The following CSMD1 variants were observed in gnomAD, a reference collection of about 807,000 sequenced individuals.
CSMD1 encodes the protein CUB and Sushi multiple domains 1.
In CSMD1, 213 loss-of-function variants were observed where a neutral mutation model predicts 417.5. That is an observed-to-expected ratio of 0.51 (90% CI 0.46 to 0.57). The LOEUF is 0.57. Among genes scored for constraint, CSMD1 ranks in the 20% least tolerant of loss-of-function variants. The pLI is 0.00. For missense variants in CSMD1, 6,923 were observed against 4,529.7 expected, an observed-to-expected ratio of 1.53 and a Z score of -15.17; for synonymous variants, 2,862 against 1,736.8, an observed-to-expected ratio of 1.65 and a Z score of -16.11.
chr8:4,703,555 T>A (rs1192051926), intron 1 of CSMD1, among the ~76,000 whole-genome samples: 1 of 152,332 alleles, frequency 6.6e-6, no homozygotes, highest in East Asian at 1.9e-4. Context: ...AGGAATTAGA[T>A]ATACAGTATA....
intron 2 of CSMD1, among the ~76,000 whole-genome samples, chr8:4,429,764 T>C (rs1259153308): frequency 6.6e-6 from 1 of 152,094 alleles, no homozygotes; most frequent in African/African-American, 2.4e-5. Context: ...ATTCTAGAAG[T>C]GCTCCACCCG....
chr8:4,198,690 G>A (rs1014339201), intron 3 of CSMD1, among the ~76,000 whole-genome samples: 28 of 152,006 alleles, frequency 1.8e-4, no homozygotes, highest in African/African-American at 6.3e-4. Context: ...AAACCCCAAG[G>A]ACTACATGGA....
chr8:3,817,759 G>A (rs1801471367), intron 5 of CSMD1, among the ~76,000 whole-genome samples: 1 of 152,100 alleles, frequency 6.6e-6, no homozygotes, highest in African/African-American at 2.4e-5. Context: ...CAGAAACAGA[G>A]GTCTTCCAAA....
intron 5 of CSMD1, among the ~76,000 whole-genome samples, chr8:3,790,419 T>A (rs1799671867): frequency 1.3e-5 from 2 of 152,104 alleles, no homozygotes; most frequent in African/African-American, 4.8e-5. Context: ...ACAATGGTGA[T>A]AACAGTATTA....
chr8:3,184,316 C>T (rs1409617215), intron 36 of CSMD1, among the ~76,000 whole-genome samples: 1 of 152,180 alleles, frequency 6.6e-6, no homozygotes, highest in African/African-American at 2.4e-5. Context: ...AAACTACTAA[C>T]TCATTTTCCA....
intron 18 of CSMD1, among the ~76,000 whole-genome samples, chr8:3,386,181 A>G (rs1810992579): frequency 6.6e-6 from 1 of 152,214 alleles, no homozygotes; most frequent in South Asian, 2.1e-4. Context: ...GCCTCAGCTC[A>G]TCTGCACAAA....
Position 3,087,104 on chromosome 8 carries a change from G to A in CSMD1, c.7467C>T (p.Leu2489=), listed in dbSNP as rs1393920120. The change falls in exon 49 of 70, where the codon CTC becomes CTT. Residue 2489 remains leucine, a synonymous_variant. Transcript: ENST00000635120. ...GMYQWDSLTP[L]CQAVSCGIPE... is the part of the protein sequence containing the mutation. Reference sequence around the variant, plus strand: ...TGAAAACGCATTTCTTACCCTGGCAGAGTGGCGTGAGGGAGTCCCACTGGT... The same window carrying A: ...TGAAAACGCATTTCTTACCCTGGCAAAGTGGCGTGAGGGAGTCCCACTGGT... 2 of 1,613,010 alleles carry A rather than the reference G, an allele frequency of 1.2e-6. No individual in the cohort carries two copies. The highest frequency in any genetic ancestry group is 1.7e-6 in the Non-Finnish European group (2 of 1,179,636).
chr8:3,303,953 T>C (rs1310415395), intron 25 of CSMD1, among the ~76,000 whole-genome samples: 1 of 103,000 alleles, frequency 9.7e-6, no homozygotes, highest in East Asian at 3.1e-4. Flanking sequence ...CGCCCCATTA[T>C]AATAACTATT....
intron 3 of CSMD1, among the ~76,000 whole-genome samples, chr8:4,249,555 G>A (rs960216712): frequency 5.3e-5 from 8 of 152,176 alleles, no homozygotes; most frequent in East Asian, 1.9e-4. Context: ...GAGACCTGAG[G>A]AGCGGATCTA....
chr8:3,247,417 T>C (rs1361619909), intron 26 of CSMD1, among the ~76,000 whole-genome samples: 1 of 152,176 alleles, frequency 6.6e-6, no homozygotes, highest in Non-Finnish European at 1.5e-5. Flanking sequence ...ACTTCTCTTA[T>C]TTCCATGCTC....
chr8:4,869,841 TTCTC>T (rs1180502339), intron 1 of CSMD1, among the ~76,000 whole-genome samples: 4 of 152,058 alleles, frequency 2.6e-5, no homozygotes, highest in East Asian at 1.9e-4. Flanking sequence ...TTATCATATA[TTCTC>T]TCTCTCTTTT....
At chr8:4,534,826 G>A (rs188188379) in intron 2 of CSMD1, among the ~76,000 whole-genome samples, 162 of 152,174 alleles carry the variant, frequency 1.1e-3, no homozygotes, top group African/African-American at 3.3e-3. Context: ...GCAGTAGTGT[G>A]ATCTCAGCTC....
intron 49 of CSMD1, among the ~76,000 whole-genome samples, chr8:3,085,480 T>C (rs939236985): frequency 3.9e-5 from 6 of 152,314 alleles, no homozygotes; most frequent in Non-Finnish European, 5.9e-5. Context: ...GTGTGCATTC[T>C]AGCATCCCAT....
chr8:4,515,978 CT>C (rs1803096729), intron 2 of CSMD1, among the ~76,000 whole-genome samples: 1 of 152,170 alleles, frequency 6.6e-6, no homozygotes, highest in African/African-American at 2.4e-5. Flanking sequence ...CACCTGACAG[CT>C]GTTACCCATT....
Position 4,282,073 on chromosome 8 carries a change from C to G in CSMD1, c.415+137880G>C, listed in dbSNP as rs188863505. ...CCTGGGTTGTAGCACATTGTAGCAT[C>G]CAAGGGAAAACATTCTTTTATTAAT... is the stretch of plus-strand genomic sequence containing the variant. On this transcript the variant is annotated intron_variant, in intron 3 of 69. Transcript: ENST00000635120. Among the ~76,000 whole-genome samples the G allele has an allele frequency of 1.5e-3, 230 of 152,206 alleles. 1 individual carries two copies. Among genetic ancestry groups the G allele is most frequent in the African/African-American group, 4.8e-3 (199 of 41,540 alleles).
At chr8:4,016,390 G>T (rs918575433) in intron 4 of CSMD1, among the ~76,000 whole-genome samples, 2 of 152,038 alleles carry the variant, frequency 1.3e-5, no homozygotes, top group African/African-American at 4.8e-5. Flanking sequence ...CGAGATGATC[G>T]AGCCAGTGGC....
chr8:4,321,066 T>G (rs960149680), intron 3 of CSMD1, among the ~76,000 whole-genome samples: 1 of 152,328 alleles, frequency 6.6e-6, no homozygotes, highest in Non-Finnish European at 1.5e-5. Context: ...AGATCTCTTA[T>G]GAAGTCTTGT....
intron 5 of CSMD1, among the ~76,000 whole-genome samples, chr8:3,902,614 C>T (rs552567974): frequency 6.6e-6 from 1 of 152,132 alleles, no homozygotes; most frequent in East Asian, 2.0e-4. Context: ...ATGTCGCCGC[C>T]GATCTGAGAG....
At chr8:4,508,669 G>A (rs1317725213) in intron 2 of CSMD1, among the ~76,000 whole-genome samples, 1 of 152,066 alleles carries the variant, frequency 6.6e-6, no homozygotes, top group Non-Finnish European at 1.5e-5. Flanking sequence ...AATAATGCTT[G>A]ATAACAAGGC....
Sources: allele counts gnomAD v4.1 joint callset (sites outside exome capture counted in the v4.1 genomes callset), GRCh38; gene constraint gnomAD v4.1.1; transcripts MANE v1.5; gene names NCBI Gene and HGNC (gene_info 2026-07-23, HGNC 2026-07-21).